DPYD: variants seen among roughly 807,000 people sequenced by gnomAD.
DPYD encodes dihydropyrimidine dehydrogenase [NADP(+)].
A neutral mutation model predicts 116.2 loss-of-function variants in DPYD; 109 were observed. The observed-to-expected ratio is 0.94, with a 90% confidence interval of 0.80 to 1.10. DPYD has a LOEUF of 1.10. Ranked by LOEUF, DPYD falls within the 50% of genes least tolerant of loss-of-function variation. The pLI is 0.00. For missense variants in DPYD, 1,302 were observed against 1,254.5 expected, an observed-to-expected ratio of 1.04 and a Z score of -0.57; for synonymous variants, 440 against 432.0, an observed-to-expected ratio of 1.02 and a Z score of -0.23.
At chr1:97,872,195 T>C (rs1050500055) in intron 2 of DPYD, among the ~76,000 whole-genome samples, 1 of 151,938 alleles carries the variant, frequency 6.6e-6, no homozygotes, top group African/African-American at 2.4e-5. Context: ...ATAAGGAAGC[T>C]GTGAAGGGAA....
At chr1:97,387,610 T>C (rs997856921) in intron 14 of DPYD, among the ~76,000 whole-genome samples, 1 of 152,088 alleles carries the variant, frequency 6.6e-6, no homozygotes, top group Admixed American at 6.6e-5. Context: ...CATAAATGCA[T>C]GTCAGACACA....
intron 18 of DPYD, among the ~76,000 whole-genome samples, chr1:97,245,413 A>G (rs1662653032): frequency 6.6e-6 from 1 of 152,108 alleles, no homozygotes. Flanking sequence ...TTAAAGGTTT[A>G]CCTATAAGTA....
intron 20 of DPYD, among the ~76,000 whole-genome samples, chr1:97,180,594 C>T (rs1307560426): frequency 6.6e-6 from 1 of 152,072 alleles, no homozygotes; most frequent in Non-Finnish European, 1.5e-5. Flanking sequence ...CCTCAATCTC[C>T]ACCCAGAACA....
intron 10 of DPYD, among the ~76,000 whole-genome samples, chr1:97,588,113 A>G (rs1245395509): frequency 1.3e-5 from 2 of 152,220 alleles, no homozygotes; most frequent in African/African-American, 4.8e-5. Flanking sequence ...TATTTTTCTA[A>G]TTAAAATAAT....
chr1:97,627,155 C>T (rs1017246519), intron 8 of DPYD, among the ~76,000 whole-genome samples: 34 of 152,036 alleles, frequency 2.2e-4, no homozygotes, highest in Middle Eastern at 6.8e-3. Flanking sequence ...CCTCCTAATA[C>T]CATTACAACA....
chr1:97,326,003 C>A (rs1668688963), intron 16 of DPYD, among the ~76,000 whole-genome samples: 1 of 151,522 alleles, frequency 6.6e-6, no homozygotes, highest in South Asian at 2.1e-4. Context: ...AAACATAACT[C>A]TTATATATGT....
At chr1:97,158,176 A>G (rs951848000) in intron 20 of DPYD, among the ~76,000 whole-genome samples, 4 of 152,010 alleles carry the variant, frequency 2.6e-5, no homozygotes, top group East Asian at 1.9e-4. Context: ...ACCAAGTCCA[A>G]TTCCCCAGGG....
intron 6 of DPYD, among the ~76,000 whole-genome samples, chr1:97,696,002 T>G (rs764683556): frequency 6.6e-6 from 1 of 151,752 alleles, no homozygotes; most frequent in South Asian, 2.1e-4. Flanking sequence ...TGGTGGTGCA[T>G]GCCTGTAGTC....
chr1:97,450,250 C>A, intron 13 of DPYD, 27 bp from the exon 14 acceptor site: 1 of 1,611,736 alleles, frequency 6.2e-7, no homozygotes, highest in South Asian at 1.1e-5. Flanking sequence ...GATATTGAGT[C>A]TCCTTTTGAC....
chr1:97,376,898 T>TATATATATAC (rs1319793091), intron 15 of DPYD, among the ~76,000 whole-genome samples: 5 of 148,976 alleles, frequency 3.4e-5, no homozygotes, highest in African/African-American at 1.2e-4. Context: ...TATATATATA[T>TATATATATAC]ATATGGTGTG....
intron 20 of DPYD, among the ~76,000 whole-genome samples, chr1:97,190,679 ATAAG>A (rs1339989783): frequency 6.6e-6 from 1 of 152,206 alleles, no homozygotes; most frequent in Non-Finnish European, 1.5e-5. Flanking sequence ...TGATCAGTTA[ATAAG>A]TAAGGTAAGC....
Position 97,713,841 on chromosome 1 carries a change from A to C in DPYD, c.483+7669T>G, listed in dbSNP as rs188395749. On this transcript the variant is annotated intron_variant, in intron 5 of 22. Coordinates refer to ENST00000370192, the MANE Select transcript of DPYD (RefSeq NM_000110.4). The stretch of plus-strand genomic sequence containing the variant: ...CAAATAATTGAATAGTACTATTTTA[A>C]ATAGAAGTAGTATAGAGAAATCCCA... 3.6e-3 allele frequency among the ~76,000 whole-genome samples: 542 copies of C among 152,232 alleles called. 2 individuals carry two copies. The highest frequency in any genetic ancestry group is 5.6e-3 in the Non-Finnish European group (380 of 67,996).
intron 19 of DPYD, among the ~76,000 whole-genome samples, chr1:97,217,918 T>C (rs1660520755): frequency 6.6e-6 from 1 of 152,210 alleles, no homozygotes; most frequent in East Asian, 1.9e-4. Flanking sequence ...TTAAATATCA[T>C]TTCTGTCTTA....
chr1:97,158,819 A>C (rs1433353886), intron 20 of DPYD, among the ~76,000 whole-genome samples: 2 of 152,150 alleles, frequency 1.3e-5, no homozygotes, highest in Non-Finnish European at 1.5e-5. Context: ...CATCTGAGCT[A>C]TGCATGTGCT....
chr1:97,515,840 A>G lies in DPYD; in HGVS notation c.1626T>C (p.Phe542=), dbSNP rs2101976175. ...CGCTAGCAAGACCAAAAGGATTTAT[A>G]AACTTCAATCCGGCCATTTCTACAC... ...DISVEMAGLK[F]INPFGLASAT... The change falls in exon 13 of 23, where the codon TTT becomes TTC. Residue 542 remains phenylalanine (F), a synonymous_variant. Coordinates refer to ENST00000370192, the MANE Select transcript of DPYD (RefSeq NM_000110.4). The G allele has an allele frequency of 6.2e-7, 1 of 1,612,964 alleles. No individual in the cohort carries two copies. The highest frequency in any genetic ancestry group is 8.5e-7 in the Non-Finnish European group (1 of 1,179,278).
At chr1:97,711,950 C>G (rs1047717576) in intron 5 of DPYD, among the ~76,000 whole-genome samples, 1 of 151,884 alleles carries the variant, frequency 6.6e-6, no homozygotes, top group Admixed American at 6.6e-5. Flanking sequence ...AAGAATAACT[C>G]TTAGTAGATG....
At chr1:97,375,593 C>A (rs1298383996) in intron 15 of DPYD, among the ~76,000 whole-genome samples, 1 of 152,124 alleles carries the variant, frequency 6.6e-6, no homozygotes, top group Non-Finnish European at 1.5e-5. Context: ...TGGTAGTGAG[C>A]ATGGATGAGC....
chr1:97,335,963 T>C (rs1669264385), intron 16 of DPYD, among the ~76,000 whole-genome samples: 1 of 152,200 alleles, frequency 6.6e-6, no homozygotes, highest in African/African-American at 2.4e-5. Flanking sequence ...CGTATCCTTG[T>C]CCTTCGTGTC....
At chr1:97,109,863 AT>A (rs1436667660) in intron 20 of DPYD, among the ~76,000 whole-genome samples, 1 of 151,166 alleles carries the variant, frequency 6.6e-6, no homozygotes, top group Non-Finnish European at 1.5e-5. Flanking sequence ...AATATAAAAA[AT>A]ATCTTTCTAA....
Sources: allele counts gnomAD v4.1 joint callset (sites outside exome capture counted in the v4.1 genomes callset), GRCh38; gene constraint gnomAD v4.1.1; transcripts MANE v1.5; gene names NCBI Gene and HGNC (gene_info 2026-07-23, HGNC 2026-07-21).